The following P2RX5 variants were observed in gnomAD, a reference collection of about 807,000 sequenced individuals.
P2RX5 encodes the protein P2X purinoceptor 5.
P2RX5 carries 46 observed loss-of-function variants against 54.1 expected under a neutral mutation model. The observed-to-expected ratio is 0.85, with a 90% CI of 0.67 to 1.09. The LOEUF (loss-of-function observed/expected upper bound fraction) is 1.09. P2RX5 is among the 50% of genes least tolerant of loss of function. The probability of loss-of-function intolerance (pLI) is 0.00; values close to 1 mark genes in which losing one functional copy is unlikely to be tolerated. For missense variants in P2RX5, 566 were observed against 549.8 expected (o/e 1.03, Z -0.29); for synonymous variants, 226 against 226.4 (o/e 1.00, Z 0.02).
Position 3,696,094 on chromosome 17 carries a change from C to A in P2RX5, c.-89G>T. On this transcript the variant is annotated 5_prime_UTR_variant, in exon 1 of 12. Coordinates refer to ENST00000225328, the MANE Select transcript of P2RX5 (RefSeq NM_002561.4). ...CCCTCGGTCCCTGCGCGCCCGGCGC[C>A]CGCCTCGGCCCGTCTGCGCCCGCTC... 1 of 1,386,680 alleles carries A rather than the reference C, an allele frequency of 7.2e-7. No homozygotes were observed. The highest frequency in any genetic ancestry group is 1.5e-5 in the African/African-American group (1 of 66,540). 85.9% of individuals were successfully genotyped at this position (1,386,680 alleles called of 1,614,324 possible).
chr17:3,679,573 C>T lies in P2RX5; in HGVS notation c.1259+17G>A, dbSNP rs1276593325. 1.2e-6 allele frequency: 2 copies of T among 1,604,310 alleles called. No homozygotes were observed. Among genetic ancestry groups the T allele is most frequent in the Non-Finnish European group, 1.7e-6 (2 of 1,179,356 alleles). On this transcript the variant is annotated intron_variant, in intron 11 of 11. Transcript: ENST00000225328. Reference sequence around the variant, plus strand: ...CAGGACCCAGCTGTCGGGCTCTCTGCCTAGCAGTGGCCTCACCTGTGGGGC... The same window carrying T: ...CAGGACCCAGCTGTCGGGCTCTCTGTCTAGCAGTGGCCTCACCTGTGGGGC...
intron 1 of P2RX5, among the ~76,000 whole-genome samples, chr17:3,695,255 C>T (rs2143002154): frequency 6.6e-6 from 1 of 152,326 alleles, no homozygotes; most frequent in East Asian, 1.9e-4. Flanking sequence ...GCGCCAGCTC[C>T]TGCCAGGTGG....
At chr17:3,676,206 T>A in intron 11 of P2RX5, 1 of 985,420 alleles carries the variant, frequency 1.0e-6, no homozygotes. Context: ...ACAACTCACA[T>A]ACAACGGGGT....
At chr17:3,703,820 G>A in the P2RX5 span, among the ~76,000 whole-genome samples, 2 of 152,162 alleles carry the variant, frequency 1.3e-5, no homozygotes, top group Admixed American at 1.3e-4. Context: ...AAAAACCCCA[G>A]CCGGGCATGG....
intron 11 of P2RX5, chr17:3,676,339 G>T: frequency 2.0e-6 from 2 of 985,440 alleles, no homozygotes; most frequent in Non-Finnish European, 2.4e-6. Flanking sequence ...GAGTGAATGT[G>T]TAAGAAACCA....
At chr17:3,689,313 C>T (rs1455152612) in intron 7 of P2RX5, among the ~76,000 whole-genome samples, 179 bp downstream of exon 7, 4 of 150,080 alleles carry the variant, frequency 2.7e-5, no homozygotes, top group South Asian at 2.1e-4. Flanking sequence ...CACCCTCGCC[C>T]GCTGCCACGG....
chr17:3,681,033 C>T (rs1273317419), intron 10 of P2RX5, among the ~76,000 whole-genome samples: 1 of 146,418 alleles, frequency 6.8e-6, no homozygotes, highest in Non-Finnish European at 1.5e-5. Flanking sequence ...CACCCTGCGT[C>T]CTCCACCCAG....
At chr17:3,702,481 C>G in the P2RX5 span, among the ~76,000 whole-genome samples, 1 of 151,976 alleles carries the variant, frequency 6.6e-6, no homozygotes, top group African/African-American at 2.4e-5. Context: ...TGCTGGAGTC[C>G]TCTTCCACGT....
chr17:3,682,219 C>T, intron 9 of P2RX5: 1 of 549,902 alleles, frequency 1.8e-6, no homozygotes, highest in Non-Finnish European at 3.3e-6. Flanking sequence ...CTCCCCGACC[C>T]CGCACCACCC....
chr17:3,683,595 T>C (rs2050346440), intron 9 of P2RX5, among the ~76,000 whole-genome samples: 1 of 152,062 alleles, frequency 6.6e-6, no homozygotes, highest in Non-Finnish European at 1.5e-5. Flanking sequence ...CCGGGCGCGG[T>C]GGCGCACGCC....
At chr17:3,721,459 T>G in the P2RX5 span, among the ~76,000 whole-genome samples, 1 of 149,562 alleles carries the variant, frequency 6.7e-6, no homozygotes, top group Non-Finnish European at 1.5e-5. Flanking sequence ...TATTTATTTT[T>G]AAGAAATGGG....
At position 3,679,651 on chromosome 17, in the gene P2RX5, G is replaced by T. The variant is rs751431851; in HGVS notation, c.1198C>A (p.Arg400Ser). The T allele has an allele frequency of 6.2e-7, 1 of 1,610,520 alleles. No homozygotes were observed. The highest frequency in any genetic ancestry group is 1.7e-5 in the Admixed American group (1 of 59,990). ...TTCCCCTTCTGACTGCTGCTTCCACGCTTCGCCTCGGGTGGCTCCTGCAGC... is the reference window on the plus strand; with the variant it reads ...TTCCCCTTCTGACTGCTGCTTCCACTCTTCGCCTCGGGTGGCTCCTGCAGC... ...QELQEPPEAK[R>S]GSSSQKGNGS... The change falls in exon 11 of 12, where the codon CGT (arginine) becomes AGT (serine). Residue 400 changes from arginine to serine, a missense_variant. Physicochemically the swap from Arg to Ser is moderately radical, Grantham distance 110. Coordinates refer to ENST00000225328, the MANE Select transcript of P2RX5 (RefSeq NM_002561.4).
At chr17:3,700,766 T>A (rs1326549633), upstream of P2RX5, among the ~76,000 whole-genome samples, 1 of 152,164 alleles carries the variant, frequency 6.6e-6, no homozygotes, top group African/African-American at 2.4e-5. Flanking sequence ...ATGAGTGAAT[T>A]CTCACTCTGG....
chr17:3,714,657 C>T, the P2RX5 span: 1 of 446,414 alleles, frequency 2.2e-6, no homozygotes, highest in African/African-American at 2.0e-5. Flanking sequence ...TTATTTAATA[C>T]CAAATGTTTC....
Position 3,690,982 on chromosome 17 carries a change from T to A in P2RX5, c.334A>T (p.Asn112Tyr), listed in dbSNP as rs2050599939. Residue 112 changes from asparagine (N) to tyrosine (Y), a missense_variant, in exon 3 of 12, where the codon AAC becomes TAC. Coordinates refer to ENST00000225328, the MANE Select transcript of P2RX5 (RefSeq NM_002561.4). ...TCAGCACAGACGTTCTGCCGCTGGTTGGGGGTCACAATCAGGTTGGTGACC... is the reference window on the plus strand; with the variant it reads ...TCAGCACAGACGTTCTGCCGCTGGTAGGGGGTCACAATCAGGTTGGTGACC... ...FVVTNLIVTP[N>Y]QRQNVCAENE... The A allele has an allele frequency of 1.9e-6, 3 of 1,612,312 alleles. No individual in the cohort carries two copies. The African/African-American group carries it at 4.0e-5, about 22-fold the overall frequency.
intron 11 of P2RX5, among the ~76,000 whole-genome samples, chr17:3,679,154 G>T (rs540503860): frequency 6.6e-6 from 1 of 152,194 alleles, no homozygotes; most frequent in Non-Finnish European, 1.5e-5. Flanking sequence ...AAATCTCAGC[G>T]CTGCCATTCA....
upstream of P2RX5, among the ~76,000 whole-genome samples, chr17:3,699,850 G>A (rs1332472861): frequency 5.1e-5 from 4 of 78,488 alleles, no homozygotes; most frequent in South Asian, 4.0e-4. Context: ...GAAAGAAAAA[G>A]AAAAAAGAAA....
the P2RX5 span, chr17:3,717,423 G>T: frequency 0.52 from 79,389 of 152,004 alleles, 21,626 homozygotes; most frequent in African/African-American, 0.64. Flanking sequence ...GAAGTCATCC[G>T]CAGGTTTTGT....
chr17:3,696,036 C>T lies in P2RX5; in HGVS notation c.-31G>A, dbSNP rs774615122. Reference sequence around the variant, plus strand: ...GCTCTCAGCCGGGCTTGCGGACCGCCCGGCCCACGTGCGCTCATGGGGAGC... The same window carrying T: ...GCTCTCAGCCGGGCTTGCGGACCGCTCGGCCCACGTGCGCTCATGGGGAGC... On this transcript the variant is annotated 5_prime_UTR_variant, in exon 1 of 12. Coordinates refer to ENST00000225328, the MANE Select transcript of P2RX5 (RefSeq NM_002561.4). The T allele has an allele frequency of 1.1e-5, 18 of 1,611,342 alleles. No individual in the cohort carries two copies. The highest frequency in any genetic ancestry group is 1.5e-5 in the Non-Finnish European group (18 of 1,178,770).
Sources: gnomAD v4.1 joint callset for allele counts (sites outside exome capture counted in the v4.1 genomes callset) on GRCh38, gnomAD v4.1.1 for gene constraint, MANE v1.5 for transcripts, NCBI Gene and HGNC (gene_info 2026-07-23, HGNC 2026-07-21) for gene names.